The following NPTN variants were observed in gnomAD, a reference collection of about 807,000 sequenced individuals.
NPTN encodes SDR-1.
NPTN carries 5 observed loss-of-function variants against 42.7 expected under a neutral mutation model. That is an observed-to-expected ratio of 0.12 (90% confidence interval 0.06 to 0.25). NPTN has a LOEUF of 0.25. Ranked by LOEUF, NPTN falls within the 10% of genes least tolerant of loss-of-function variation. The probability of loss-of-function intolerance (pLI) is 1.00; values close to 1 mark genes in which losing one functional copy is unlikely to be tolerated. For synonymous variants in NPTN, 180 were observed against 201.9 expected (o/e 0.89, Z 0.92); for missense variants, 307 against 525.4 (o/e 0.58, Z 4.06).
At chr15:73,623,408 G>A (rs757392335) in intron 1 of NPTN, among the ~76,000 whole-genome samples, 1 of 152,168 alleles carries the variant, frequency 6.6e-6, no homozygotes, top group African/African-American at 2.4e-5. Flanking sequence ...CTGGCTGGCA[G>A]GGGGGCTGTG....
intron 4 of NPTN, among the ~76,000 whole-genome samples, chr15:73,585,335 A>C (rs1896264844): frequency 6.6e-6 from 1 of 152,164 alleles, no homozygotes; most frequent in African/African-American, 2.4e-5. Flanking sequence ...TAAAAAGATA[A>C]CTGTCTCTTA....
intron 1 of NPTN, among the ~76,000 whole-genome samples, chr15:73,629,003 T>A (rs1003939065): frequency 2.6e-5 from 4 of 152,196 alleles, no homozygotes; most frequent in Non-Finnish European, 5.9e-5. Flanking sequence ...TTTCCTTTTG[T>A]GGTTTTAAAT....
chr15:73,611,146 A>C (rs1897558209), intron 1 of NPTN, among the ~76,000 whole-genome samples: 1 of 152,238 alleles, frequency 6.6e-6, no homozygotes, highest in Non-Finnish European at 1.5e-5. Flanking sequence ...CAGTTTATGA[A>C]GATCCTGTAT....
At chr15:73,574,610 A>C (rs1895587336) in intron 4 of NPTN, among the ~76,000 whole-genome samples, 1 of 152,186 alleles carries the variant, frequency 6.6e-6, no homozygotes, top group Non-Finnish European at 1.5e-5. Flanking sequence ...ACGGGGTCTT[A>C]CTATATTGCC....
At chr15:73,580,423 T>C (rs910932516) in intron 4 of NPTN, among the ~76,000 whole-genome samples, 1 of 101,522 alleles carries the variant, frequency 9.9e-6, no homozygotes, top group Non-Finnish European at 1.9e-5. Context: ...ATATATATAA[T>C]ATATATATAA....
chr15:73,626,139 A>AACT (rs1463342799), intron 1 of NPTN, among the ~76,000 whole-genome samples: 2 of 152,256 alleles, frequency 1.3e-5, no homozygotes, highest in African/African-American at 4.8e-5. Flanking sequence ...AAATACAAAT[A>AACT]GTTAAGTGTG....
intron 2 of NPTN, 30 bp from the exon 3 acceptor site, chr15:73,592,167 C>T (rs373669501): frequency 3.1e-6 from 5 of 1,592,652 alleles, no homozygotes; most frequent in Non-Finnish European, 4.3e-6. Context: ...TGATAGGGGG[C>T]AATAGCCTTC....
intron 1 of NPTN, among the ~76,000 whole-genome samples, chr15:73,602,357 C>T (rs1357014423): frequency 6.6e-6 from 1 of 152,154 alleles, no homozygotes; most frequent in African/African-American, 2.4e-5. Flanking sequence ...TCGTTCCTCG[C>T]AATAAAGAGA....
intron 1 of NPTN, among the ~76,000 whole-genome samples, chr15:73,625,770 T>G (rs1595974799): frequency 6.6e-6 from 1 of 152,356 alleles, no homozygotes; most frequent in Middle Eastern, 3.4e-3. Flanking sequence ...TAGGTTATTT[T>G]TAAATTAATA....
chr15:73,566,166 T>G (rs1051668948), intron 6 of NPTN, among the ~76,000 whole-genome samples: 2 of 152,190 alleles, frequency 1.3e-5, no homozygotes. Context: ...GGCCCCTAGT[T>G]AACAGACCAG....
At chr15:73,584,784 A>G (rs1595918589) in intron 4 of NPTN, among the ~76,000 whole-genome samples, 2 of 150,306 alleles carry the variant, frequency 1.3e-5, no homozygotes, top group Non-Finnish European at 3.0e-5. Flanking sequence ...AAAAAAAAAA[A>G]GGGAGAGAAT....
chr15:73,600,586 G>A (rs374523832), intron 1 of NPTN, among the ~76,000 whole-genome samples: 14 of 152,244 alleles, frequency 9.2e-5, no homozygotes, highest in African/African-American at 3.4e-4. Context: ...GTGAAAGCAT[G>A]GTCTCTTAAC....
chr15:73,575,808 T>A (rs1449784325), intron 4 of NPTN, among the ~76,000 whole-genome samples: 1 of 152,240 alleles, frequency 6.6e-6, no homozygotes, highest in Non-Finnish European at 1.5e-5. Context: ...GGCACCTGGA[T>A]GGGCATGCAC....
intron 6 of NPTN, chr15:73,568,697 T>C: frequency 1.0e-6 from 1 of 985,436 alleles, no homozygotes; most frequent in Non-Finnish European, 1.2e-6. Flanking sequence ...TGCAGGAAAC[T>C]AGAGATTCAT....
chr15:73,622,641 T>A (rs1259056533), intron 1 of NPTN, among the ~76,000 whole-genome samples: 1 of 152,098 alleles, frequency 6.6e-6, no homozygotes, highest in African/African-American at 2.4e-5. Context: ...TGTGAGGTTA[T>A]CAAAATAAAA....
In NPTN at chr15:73,569,572, G is replaced by C; in HGVS notation, c.1114+578C>G. 1 of 985,450 alleles carries C rather than the reference G, an allele frequency of 1.0e-6. No homozygotes were observed. The highest frequency in any genetic ancestry group is 1.2e-6 in the Non-Finnish European group (1 of 829,930). 61.0% of individuals were successfully genotyped at this position (985,450 alleles called of 1,614,324 possible). A position where few individuals can be genotyped will look rare whatever the true frequency, so the allele number is the denominator to read the frequency against. ...CAGATGGAAAGCCACCCAGCAGAGA[G>C]CGCTGGAAACCTATCAAAGGGACCA... On this transcript the variant is annotated intron_variant, in intron 6 of 8. Coordinates refer to ENST00000345330, the MANE Select transcript of NPTN (RefSeq NM_012428.4). The surrounding 1 kb of genome is among the most constrained non-coding windows in gnomAD (Gnocchi z 4.1).
intron 1 of NPTN, among the ~76,000 whole-genome samples, chr15:73,614,770 A>G (rs919520155): frequency 5.9e-5 from 9 of 152,338 alleles, no homozygotes; most frequent in African/African-American, 2.2e-4. Context: ...TAAATGTATA[A>G]TAAATGAAAC....
At position 73,622,725 on chromosome 15, in the gene NPTN, T is replaced by C. The variant is rs558138016; in HGVS notation, c.91+10400A>G. Among the ~76,000 whole-genome samples the C allele has an allele frequency of 3.9e-5, 6 of 152,314 alleles. No homozygotes were observed. In the South Asian group the frequency reaches 1.2e-3, roughly 32 times the overall value. On this transcript the variant is annotated intron_variant, in intron 1 of 8. Coordinates refer to ENST00000345330, the MANE Select transcript of NPTN (RefSeq NM_012428.4). Reference sequence around the variant, plus strand: ...ATGATTTTGTCCATATTAAATCTACTTTAGGAAGGTTTCTTTTAATACACA... The same window carrying C: ...ATGATTTTGTCCATATTAAATCTACCTTAGGAAGGTTTCTTTTAATACACA...
At chr15:73,615,313 T>C (rs1210815753) in intron 1 of NPTN, among the ~76,000 whole-genome samples, 2 of 152,174 alleles carry the variant, frequency 1.3e-5, no homozygotes, top group Non-Finnish European at 2.9e-5. Flanking sequence ...AGGAAATTCA[T>C]TATAACAGCA....
Sources: allele counts gnomAD v4.1 joint callset (sites outside exome capture counted in the v4.1 genomes callset), GRCh38; gene constraint gnomAD v4.1.1; non-coding constraint Gnocchi (gnomAD v3.1); transcripts MANE v1.5; gene names NCBI Gene and HGNC (gene_info 2026-07-23, HGNC 2026-07-21).